PRKCA: variants seen among roughly 807,000 people sequenced by gnomAD.
PRKCA encodes the protein protein kinase C alpha type.
Under a neutral mutation model 87.0 loss-of-function variants are expected in PRKCA, and 27 were observed. The ratio of observed to expected loss-of-function variants is 0.31; its 90% CI spans 0.23 to 0.43. The LOEUF is 0.43. Ranked by LOEUF, PRKCA falls within the 20% of genes least tolerant of loss-of-function variation. PRKCA has a pLI of 1.00. For synonymous variants in PRKCA, 329 were observed against 311.1 expected, an observed-to-expected ratio of 1.06 and a Z score of -0.61; for missense variants, 518 against 852.3, an observed-to-expected ratio of 0.61 and a Z score of 4.88.
At chr17:66,765,416 G>GTGTGTATA (rs1276368624) in intron 13 of PRKCA, among the ~76,000 whole-genome samples, 1 of 16,032 alleles carries the variant, frequency 6.2e-5, no homozygotes, top group African/African-American at 2.2e-4. Context: ...GCAAGACTTT[G>GTGTGTATA]TCTATATATA....
At chr17:66,435,554 T>C (rs1003832908) in intron 2 of PRKCA, among the ~76,000 whole-genome samples, 3 of 152,208 alleles carry the variant, frequency 2.0e-5, no homozygotes, top group African/African-American at 7.2e-5. Flanking sequence ...GCCTGTTTAC[T>C]TAGCCCTGGA....
At chr17:66,503,568 C>G (rs1355770172) in intron 3 of PRKCA, among the ~76,000 whole-genome samples, 1 of 152,174 alleles carries the variant, frequency 6.6e-6, no homozygotes, top group Non-Finnish European at 1.5e-5. Flanking sequence ...AAAAACGGAA[C>G]CTATTGCACA....
chr17:66,444,937 C>T (rs1913956853), intron 2 of PRKCA, among the ~76,000 whole-genome samples: 1 of 152,136 alleles, frequency 6.6e-6, no homozygotes, highest in Admixed American at 6.5e-5. Context: ...CAGAACACAA[C>T]ACACAACACA....
At chr17:66,625,767 C>T (rs1970837515) in intron 3 of PRKCA, among the ~76,000 whole-genome samples, 2 of 152,186 alleles carry the variant, frequency 1.3e-5, no homozygotes, top group Non-Finnish European at 1.5e-5. Context: ...CAGCGTCTAG[C>T]ACAGGGTCAG....
chr17:66,472,706 T>G (rs922321518), intron 2 of PRKCA, among the ~76,000 whole-genome samples: 1 of 152,210 alleles, frequency 6.6e-6, no homozygotes, highest in Non-Finnish European at 1.5e-5. Flanking sequence ...CTGAGCCACC[T>G]TCTTGCAAAG....
intron 1 of PRKCA, among the ~76,000 whole-genome samples, chr17:66,303,331 C>T (rs895913771): frequency 1.3e-5 from 2 of 152,212 alleles, no homozygotes; most frequent in East Asian, 3.9e-4. Context: ...CCCGCACGCA[C>T]CCAGCGGAGC....
At chr17:66,368,380 ATATATAT>A (rs1567793138) in intron 2 of PRKCA, among the ~76,000 whole-genome samples, 4 of 29,926 alleles carry the variant, frequency 1.3e-4, no homozygotes, top group Admixed American at 5.2e-4. Context: ...ATATATATAT[ATATATAT>A]TTTTTTTTTT....
At chr17:66,576,773 G>A (rs62071744) in intron 3 of PRKCA, among the ~76,000 whole-genome samples, 116 of 151,908 alleles carry the variant, frequency 7.6e-4, no homozygotes, top group Non-Finnish European at 1.1e-3. Flanking sequence ...CATTCACGAT[G>A]TTCTTTTCAC....
At chr17:66,724,630 G>A (rs1567997222) in intron 8 of PRKCA, among the ~76,000 whole-genome samples, 1 of 152,190 alleles carries the variant, frequency 6.6e-6, no homozygotes. Context: ...TCTGCATTCA[G>A]AATTTTCCAT....
intron 2 of PRKCA, among the ~76,000 whole-genome samples, chr17:66,413,648 G>A (rs947844932): frequency 2.0e-5 from 3 of 152,140 alleles, no homozygotes; most frequent in African/African-American, 7.2e-5. Flanking sequence ...TTGCAGCTCT[G>A]TGTCAGACAC....
chr17:66,505,393 C>T (rs1473427134), intron 3 of PRKCA, among the ~76,000 whole-genome samples: 4 of 152,068 alleles, frequency 2.6e-5, no homozygotes, highest in South Asian at 2.1e-4. Flanking sequence ...AAAAAATGCG[C>T]GACGTAATTA....
intron 8 of PRKCA, among the ~76,000 whole-genome samples, chr17:66,719,490 G>T (rs1486350693): frequency 1.3e-5 from 2 of 152,204 alleles, no homozygotes; most frequent in African/African-American, 4.8e-5. Context: ...GATGTTTTAG[G>T]CCAGCCGTGG....
At chr17:66,377,862 C>T (rs1427841621) in intron 2 of PRKCA, among the ~76,000 whole-genome samples, 1 of 150,676 alleles carries the variant, frequency 6.6e-6, no homozygotes, top group East Asian at 2.0e-4. Flanking sequence ...CTCAAGTGAT[C>T]CTCCCCCTTC....
chr17:66,458,681 A>G (rs1327012238), intron 2 of PRKCA, among the ~76,000 whole-genome samples: 1 of 152,004 alleles, frequency 6.6e-6, no homozygotes, highest in African/African-American at 2.4e-5. Context: ...GGGTTTCACC[A>G]TGTTGGCCAG....
At chr17:66,545,271 T>C (rs1269312277) in intron 3 of PRKCA, among the ~76,000 whole-genome samples, 2 of 151,946 alleles carry the variant, frequency 1.3e-5, no homozygotes, top group Non-Finnish European at 2.9e-5. Context: ...TACTAAAAAA[T>C]ACAAAAAATT....
chr17:66,512,325 T>A (rs1157729187), intron 3 of PRKCA, among the ~76,000 whole-genome samples: 14 of 151,976 alleles, frequency 9.2e-5, no homozygotes, highest in Admixed American at 9.2e-4. Context: ...ACCTGTAATC[T>A]CAGCTACTCA....
At chr17:66,794,809 A>T (rs955300705) in intron 16 of PRKCA, among the ~76,000 whole-genome samples, 3 of 151,856 alleles carry the variant, frequency 2.0e-5, no homozygotes, top group Admixed American at 2.0e-4. Context: ...TTTTTAGTAG[A>T]GATGGGGTTT....
At chr17:66,330,319 T>G (rs1598595530) in intron 2 of PRKCA, among the ~76,000 whole-genome samples, 1 of 151,862 alleles carries the variant, frequency 6.6e-6, no homozygotes, top group Non-Finnish European at 1.5e-5. Context: ...CTCGGCTAGG[T>G]TGGTCTCGAG....
At chr17:66,339,907 A>G (rs1379520785) in intron 2 of PRKCA, 1 of 152,232 alleles carries the variant, frequency 6.6e-6, no homozygotes, top group Admixed American at 6.5e-5. Flanking sequence ...GAAATCTGCC[A>G]ATTAATGAAT....
Sources: gnomAD v4.1 joint callset for allele counts (sites outside exome capture counted in the v4.1 genomes callset) on GRCh38, gnomAD v4.1.1 for gene constraint, MANE v1.5 for transcripts, NCBI Gene and HGNC (gene_info 2026-07-23, HGNC 2026-07-21) for gene names.